The following TACC2 variants were observed in gnomAD, a reference collection of about 807,000 sequenced individuals.
TACC2 encodes the protein transforming acidic coiled-coil containing protein 2.
Under a neutral mutation model 227.3 loss-of-function variants are expected in TACC2, and 137 were observed. The ratio of observed to expected loss-of-function variants is 0.60; its 90% confidence interval spans 0.52 to 0.69. The LOEUF is 0.69. TACC2 is among the 30% of genes least tolerant of loss of function. The pLI is 0.00. For synonymous variants in TACC2, 1,523 were observed against 1,487.5 expected (o/e 1.02, Z -0.55); for missense variants, 3,470 against 3,694.4 (o/e 0.94, Z 1.57).
chr10:122,211,558 T>C lies in TACC2; in HGVS notation c.7133T>C (p.Val2378Ala). The C allele has an allele frequency of 6.2e-7, 1 of 1,614,020 alleles. No individual in the cohort carries two copies. The highest frequency in any genetic ancestry group is 8.5e-7 in the Non-Finnish European group (1 of 1,180,004). ...NFDPDTCDES[V>A]DPFKTSSKTP... ...GACCCAGACACCTGTGATGAGTCCG[T>C]TGACCCCTTTAAGACATCCTCTAAG... Residue 2378 changes from valine (V) to alanine (A), a missense_variant, in exon 9 of 23, where the codon GTT (valine) becomes GCT (alanine). Physicochemically the swap from Val to Ala is moderately conservative, Grantham distance 64. Coordinates refer to ENST00000369005, the MANE Select transcript of TACC2 (RefSeq NM_206862.4).
intron 7 of TACC2, among the ~76,000 whole-genome samples, chr10:122,185,021 CTTTTTTT>C (rs34148046): frequency 4.2e-5 from 4 of 95,306 alleles, no homozygotes; most frequent in Non-Finnish European, 8.3e-5. Flanking sequence ...GTCACTTATT[CTTTTTTT>C]TTTTTTTTTT....
chr10:122,096,300 C>T (rs1352599138), intron 5 of TACC2, among the ~76,000 whole-genome samples: 1 of 152,214 alleles, frequency 6.6e-6, no homozygotes, highest in Non-Finnish European at 1.5e-5. Flanking sequence ...TCTGAGCTGG[C>T]ATTGTAAGAA....
At chr10:122,001,661 C>T (rs1954362993) in intron 1 of TACC2, among the ~76,000 whole-genome samples, 2 of 152,130 alleles carry the variant, frequency 1.3e-5, no homozygotes, top group South Asian at 4.1e-4. Flanking sequence ...TCAAATATCC[C>T]TGGTTGTTTC....
At chr10:122,250,480 CA>C (rs2096232589) in intron 22 of TACC2, among the ~76,000 whole-genome samples, 1 of 152,212 alleles carries the variant, frequency 6.6e-6, no homozygotes, top group South Asian at 2.1e-4. Context: ...ATCAGAAATC[CA>C]TGTGCCTCCC....
intron 7 of TACC2, among the ~76,000 whole-genome samples, chr10:122,146,993 C>T (rs947581150): frequency 6.6e-6 from 1 of 152,164 alleles, no homozygotes; most frequent in Non-Finnish European, 1.5e-5. Context: ...CATGATTGGA[C>T]TGGGCCTGTG....
intron 1 of TACC2, among the ~76,000 whole-genome samples, chr10:121,992,318 T>C (rs1188880018): frequency 6.6e-6 from 1 of 152,156 alleles, no homozygotes; most frequent in Non-Finnish European, 1.5e-5. Flanking sequence ...GTGAAAAACC[T>C]GAAGGTTTTA....
chr10:122,156,262 C>T (rs567862568), intron 7 of TACC2, among the ~76,000 whole-genome samples: 21 of 149,652 alleles, frequency 1.4e-4, no homozygotes, highest in African/African-American at 4.7e-4. Flanking sequence ...CTTGCTCTGT[C>T]ACACAGGCTG....
At chr10:122,057,170 A>G (rs112476173) in intron 3 of TACC2, among the ~76,000 whole-genome samples, 3,689 of 152,308 alleles carry the variant, frequency 0.024, 69 homozygotes, top group African/African-American at 0.053. Context: ...TCAGCTGGGC[A>G]ACAAGAGTGA....
chr10:122,183,984 C>T (rs2094079183), intron 7 of TACC2, among the ~76,000 whole-genome samples: 1 of 152,158 alleles, frequency 6.6e-6, no homozygotes, highest in African/African-American at 2.4e-5. Flanking sequence ...ATAAATAGGT[C>T]CTTCTGAAAC....
intron 11 of TACC2, among the ~76,000 whole-genome samples, chr10:122,221,861 G>T (rs57450967): frequency 1.3e-5 from 2 of 152,168 alleles, no homozygotes; most frequent in Non-Finnish European, 2.9e-5. Context: ...TCCTAGCAAT[G>T]GAGACCTGGA....
At position 122,180,627 on chromosome 10, in the gene TACC2, C is replaced by T. The variant is rs771137517; in HGVS notation, c.5835-14413C>T. Among the ~76,000 whole-genome samples, 14 of 152,144 alleles carry T rather than the reference C, an allele frequency of 9.2e-5. No individual in the cohort carries two copies. Among genetic ancestry groups the T allele is most frequent in the Admixed American group, 3.9e-4 (6 of 15,270 alleles). ...TGCTGGGATTACAGGCATGAGCCAC[C>T]GCACCCGGCCTCTTCCCTCGAGTTC... On this transcript the variant is annotated intron_variant, in intron 7 of 22. Coordinates refer to ENST00000369005, the MANE Select transcript of TACC2 (RefSeq NM_206862.4). The surrounding 1 kb of genome is among the most constrained non-coding windows in gnomAD (Gnocchi z 4.5).
chr10:122,247,107 G>A (rs1355040409), intron 19 of TACC2: 1 of 152,766 alleles, frequency 6.5e-6, no homozygotes, highest in Non-Finnish European at 1.5e-5. Context: ...TTCAGAGGGA[G>A]GTCACTGCGG....
intron 3 of TACC2, among the ~76,000 whole-genome samples, chr10:122,067,994 T>TTTG (rs918863941): frequency 3.9e-5 from 6 of 152,334 alleles, no homozygotes; most frequent in Non-Finnish European, 5.9e-5. Flanking sequence ...CTGATGCTTT[T>TTTG]TTGTTGTTGT....
intron 8 of TACC2, among the ~76,000 whole-genome samples, chr10:122,201,494 C>A (rs1311095657): frequency 6.6e-6 from 1 of 152,218 alleles, no homozygotes; most frequent in Non-Finnish European, 1.5e-5. Context: ...CGTCACCTGC[C>A]CACAGTGGCT....
intron 7 of TACC2, among the ~76,000 whole-genome samples, chr10:122,177,602 G>T (rs922578777): frequency 1.3e-5 from 2 of 152,140 alleles, no homozygotes; most frequent in African/African-American, 4.8e-5. Context: ...TGATGGCCCA[G>T]GGAGTGGATG....
Position 122,086,205 on chromosome 10 carries a change from C to A in TACC2, c.3705C>A (p.Thr1235=), listed in dbSNP as rs1432408089. 3 of 1,613,640 alleles carry A rather than the reference C, an allele frequency of 1.9e-6. No homozygotes were observed. In the African/African-American group the frequency reaches 4.0e-5, roughly 22 times the overall value. ...SGPPEVAAPD[T]PYLHVDSAAQ... Reference sequence around the variant, plus strand: ...CACCAGAAGTGGCTGCTCCTGACACCCCTTACCTGCATGTCGACAGTGCTG... The same window carrying A: ...CACCAGAAGTGGCTGCTCCTGACACACCTTACCTGCATGTCGACAGTGCTG... Residue 1235 remains threonine, a synonymous_variant, in exon 4 of 23, where the codon ACC becomes ACA. Transcript: ENST00000369005.
At chr10:122,145,876 A>AC (rs2091308428) in intron 7 of TACC2, among the ~76,000 whole-genome samples, 1 of 152,114 alleles carries the variant, frequency 6.6e-6, no homozygotes. Context: ...GGGTGATCTC[A>AC]CCTTTAGCCC....
At chr10:122,149,694 C>G (rs554373511) in intron 7 of TACC2, among the ~76,000 whole-genome samples, 101 of 152,354 alleles carry the variant, frequency 6.6e-4, no homozygotes, top group African/African-American at 2.1e-3. Context: ...AGTCCGCTCC[C>G]CAGCGCGGCA....
At chr10:122,101,094 C>A (rs930185198) in intron 5 of TACC2, among the ~76,000 whole-genome samples, 5 of 152,160 alleles carry the variant, frequency 3.3e-5, no homozygotes, top group African/African-American at 1.2e-4. Context: ...TTTGGTGAAT[C>A]AGATTTTCTC....
Sources: gnomAD v4.1 joint callset for allele counts (sites outside exome capture counted in the v4.1 genomes callset) on GRCh38, gnomAD v4.1.1 for gene constraint, Gnocchi (gnomAD v3.1) non-coding constraint, MANE v1.5 for transcripts, NCBI Gene and HGNC (gene_info 2026-07-23, HGNC 2026-07-21) for gene names.